The following COL21A1 variants were observed in gnomAD, a reference collection of about 807,000 sequenced individuals.
COL21A1 encodes collagen type XXI alpha 1 chain.
COL21A1 carries 149 observed loss-of-function variants against 137.9 expected under a neutral mutation model. The observed-to-expected ratio is 1.08, with a 90% CI of 0.95 to 1.24. The LOEUF is 1.24. Among genes scored for constraint, COL21A1 ranks in the 50% most tolerant of loss-of-function variants. COL21A1 has a pLI of 0.00. For missense variants in COL21A1, 1,167 were observed against 1,158.4 expected (o/e 1.01, Z -0.11); for synonymous variants, 456 against 391.5 (o/e 1.16, Z -1.95).
rs370999783 is a variant in COL21A1 at position 56,182,530 on chromosome 6, C to T, written c.88+1G>A. ...AAAAGGACAATGCTGATAGTTCTTACTTGATCTTACTTCCCCATCTTCAGC... is the reference window on the plus strand; with the variant it reads ...AAAAGGACAATGCTGATAGTTCTTATTTGATCTTACTTCCCCATCTTCAGC... On this transcript the variant is annotated splice_donor_variant, in intron 2 of 29. Coordinates refer to ENST00000244728, the MANE Select transcript of COL21A1 (RefSeq NM_030820.4). LOFTEE classifies it high-confidence loss of function. 2 of 1,584,648 alleles carry T rather than the reference C, an allele frequency of 1.3e-6. No homozygotes were observed. Among genetic ancestry groups the T allele is most frequent in the South Asian group, 1.1e-5 (1 of 88,066 alleles).
chr6:56,352,418 T>A (rs1424133837), intron 1 of COL21A1, among the ~76,000 whole-genome samples: 1 of 151,528 alleles, frequency 6.6e-6, no homozygotes, highest in Non-Finnish European at 1.5e-5. Context: ...GTACCAAGTA[T>A]CAAAAAGTCA....
chr6:56,262,767 C>T (rs748380658), intron 1 of COL21A1, among the ~76,000 whole-genome samples: 2 of 152,070 alleles, frequency 1.3e-5, no homozygotes, highest in Admixed American at 6.5e-5. Context: ...AAAAATCCAA[C>T]CTCCCTCTAA....
At chr6:56,355,429 G>C (rs1765808187) in intron 1 of COL21A1, among the ~76,000 whole-genome samples, 1 of 151,984 alleles carries the variant, frequency 6.6e-6, no homozygotes, top group Non-Finnish European at 1.5e-5. Context: ...GGGAGAGACG[G>C]GGTGGGGGGT....
intron 17 of COL21A1, among the ~76,000 whole-genome samples, chr6:56,088,149 A>G (rs1768434085): frequency 6.6e-6 from 1 of 152,144 alleles, no homozygotes; most frequent in Non-Finnish European, 1.5e-5. Context: ...GGATCACCTG[A>G]GGTCAGGACT....
At position 56,166,975 on chromosome 6, in the gene COL21A1, G is replaced by C; in HGVS notation, c.1209C>G (p.Val403=). The C allele has an allele frequency of 6.2e-7, 1 of 1,610,348 alleles. No homozygotes were observed. The highest frequency in any genetic ancestry group is 8.5e-7 in the Non-Finnish European group (1 of 1,178,028). ...GGTCACAGTAGATTCGCAACTTTTGGACATCAAACTAAGAACATAAACCCA... is the reference window on the plus strand; with the variant it reads ...GGTCACAGTAGATTCGCAACTTTTGCACATCAAACTAAGAACATAAACCCA... ...SGKEETVQFD[V]QKLRIYCDPE... Residue 403 remains valine, a synonymous_variant, in exon 7 of 30, where the codon GTC becomes GTG. Coordinates refer to ENST00000244728, the MANE Select transcript of COL21A1 (RefSeq NM_030820.4).
intron 17 of COL21A1, among the ~76,000 whole-genome samples, chr6:56,098,670 TATATATAAATATATATAA>T (rs1582345563): frequency 2.8e-5 from 1 of 35,504 alleles, no homozygotes. Context: ...TATATAAATA[TATATATAAATATATATAA>T]ATATATAAAT....
Position 56,170,962 on chromosome 6 carries a change from T to C in COL21A1, c.807A>G (p.Thr269=), listed in dbSNP as rs1776995582. 1.2e-6 allele frequency: 2 copies of C among 1,601,120 alleles called. No homozygotes were observed. Among genetic ancestry groups the C allele is most frequent in the African/African-American group, 2.7e-5 (2 of 74,284 alleles). Residue 269 remains threonine, a splice_region_variant and synonymous_variant, in exon 4 of 30, where the codon ACA becomes ACG. Transcript: ENST00000244728. ...VTSKVDLSEL[T]SNVFPEGLPP... ...TTGTGTCAACATATAATGCATACCT[T>C]GTGAGTTCTGATAAATCAACTTTTG...
intron 12 of COL21A1, among the ~76,000 whole-genome samples, chr6:56,130,786 A>C (rs1773499570): frequency 6.6e-6 from 1 of 152,230 alleles, no homozygotes; most frequent in African/African-American, 2.4e-5. Flanking sequence ...GGAGAGAGCG[A>C]GCAGCAACAA....
chr6:56,338,068 T>C lies in COL21A1; in HGVS notation c.-39+55903A>G, dbSNP rs142485102. ...ACCTCCGCCTCCCGGGTTCAAGCGATTCTCCTGCCTCATCCTCCCAAGTAG... is the reference window on the plus strand; with the variant it reads ...ACCTCCGCCTCCCGGGTTCAAGCGACTCTCCTGCCTCATCCTCCCAAGTAG... On this transcript the variant is annotated intron_variant, in intron 1 of 28. Transcript: ENST00000370819. Among the ~76,000 whole-genome samples, 1,440 of 151,126 alleles carry C rather than the reference T, an allele frequency of 9.5e-3. 18 individuals carry two copies. The highest frequency in any genetic ancestry group is 0.034 in the African/African-American group (1,394 of 41,284).
At chr6:56,064,758 G>A (rs1392649026) in intron 23 of COL21A1, 136 bp from the exon 24 acceptor site, 2 of 510,882 alleles carry the variant, frequency 3.9e-6, no homozygotes, top group Non-Finnish European at 6.7e-6. Flanking sequence ...TAAATTATGT[G>A]AGAGATGGGA....
At chr6:56,232,993 A>C (rs1781673680) in intron 1 of COL21A1, among the ~76,000 whole-genome samples, 1 of 151,886 alleles carries the variant, frequency 6.6e-6, no homozygotes, top group Non-Finnish European at 1.5e-5. Context: ...AGGGGGAAGA[A>C]AAGTGCTCTG....
intron 1 of COL21A1, among the ~76,000 whole-genome samples, chr6:56,385,993 G>A (rs190281000): frequency 2.0e-5 from 3 of 151,534 alleles, no homozygotes; most frequent in East Asian, 1.9e-4. Flanking sequence ...TCCACCTCCC[G>A]GGTTCAAGCG....
intron 1 of COL21A1, among the ~76,000 whole-genome samples, chr6:56,191,940 AC>A (rs1778712820): frequency 2.0e-5 from 3 of 152,246 alleles, no homozygotes; most frequent in Admixed American, 2.0e-4. Context: ...ATGCTACCTG[AC>A]TCCAAACTAT....
chr6:56,381,617 G>C (rs955615809), intron 1 of COL21A1, among the ~76,000 whole-genome samples: 25 of 152,166 alleles, frequency 1.6e-4, no homozygotes, highest in Non-Finnish European at 1.5e-5. Flanking sequence ...GTTATATTTT[G>C]GGTGTCACAT....
chr6:56,226,698 T>C (rs1343227312), intron 1 of COL21A1, among the ~76,000 whole-genome samples: 3 of 152,002 alleles, frequency 2.0e-5, no homozygotes, highest in Admixed American at 6.6e-5. Flanking sequence ...GGTTTGCTTT[T>C]ATGGTGCAAT....
chr6:56,206,789 AT>A (rs1376832488), intron 1 of COL21A1, among the ~76,000 whole-genome samples: 2 of 150,296 alleles, frequency 1.3e-5, no homozygotes, highest in African/African-American at 4.9e-5. Context: ...ATAATTGGAA[AT>A]AAAACACTCC....
chr6:56,278,963 T>C (rs755596620), intron 1 of COL21A1, among the ~76,000 whole-genome samples: 40 of 152,310 alleles, frequency 2.6e-4, no homozygotes, highest in Non-Finnish European at 3.7e-4. Context: ...GAGGCTGAGA[T>C]AGATTCAATG....
chr6:56,200,258 G>A (rs9475616), intron 1 of COL21A1, among the ~76,000 whole-genome samples: 3,297 of 152,208 alleles, frequency 0.022, 121 homozygotes, highest in African/African-American at 0.075. Flanking sequence ...TCCTAAATGC[G>A]AAGTGTGTCT....
intron 28 of COL21A1, 102 bp from the exon 29 acceptor site, chr6:56,059,344 T>A: frequency 1.4e-6 from 1 of 693,754 alleles, no homozygotes; most frequent in Non-Finnish European, 2.2e-6. Context: ...AAATGTCTTT[T>A]AAAAACCAGC....
Sources: allele counts gnomAD v4.1 joint callset (sites outside exome capture counted in the v4.1 genomes callset), GRCh38; gene constraint gnomAD v4.1.1; transcripts MANE v1.5; gene names NCBI Gene and HGNC (gene_info 2026-07-23, HGNC 2026-07-21).